SESTD1: variants seen among roughly 807,000 people sequenced by gnomAD.
SESTD1 encodes the protein SEC14 domain and spectrin repeat-containing protein 1.
SESTD1 carries 43 observed loss-of-function variants against 101.7 expected under a neutral mutation model. The observed-to-expected ratio is 0.42, with a 90% CI of 0.33 to 0.55. The LOEUF is 0.55. Ranked by LOEUF, SESTD1 falls within the 20% of genes least tolerant of loss-of-function variation. The pLI is 0.07. For missense variants in SESTD1, 647 were observed against 815.1 expected (o/e 0.79, Z 2.51); for synonymous variants, 283 against 286.8 (o/e 0.99, Z 0.13).
chr2:179,134,148 C>T (rs2045079794), intron 9 of SESTD1, among the ~76,000 whole-genome samples: 1 of 152,118 alleles, frequency 6.6e-6, no homozygotes, highest in African/African-American at 2.4e-5. Context: ...AACCAATCCA[C>T]CACAAATACC....
intron 4 of SESTD1, among the ~76,000 whole-genome samples, chr2:179,175,908 C>A (rs574926141): frequency 1.8e-4 from 28 of 152,240 alleles, no homozygotes; most frequent in African/African-American, 5.3e-4. Context: ...TTGTGAGGGG[C>A]TGAAATTCCT....
chr2:179,252,298 A>G (rs2047329936), intron 1 of SESTD1, among the ~76,000 whole-genome samples: 2 of 152,364 alleles, frequency 1.3e-5, no homozygotes, highest in South Asian at 4.1e-4. Context: ...ATCCTAAATT[A>G]TAAAGTAGTA....
In SESTD1 at chr2:179,148,826, C is replaced by T. The variant is rs549573845; in HGVS notation, c.581+471G>A. Among the ~76,000 whole-genome samples the T allele has an allele frequency of 3.0e-3, 457 of 151,944 alleles. 5 individuals are homozygous for T. Among genetic ancestry groups the T allele is most frequent in the African/African-American group, 0.011 (439 of 41,472 alleles). On this transcript the variant is annotated intron_variant, in intron 7 of 17. Coordinates refer to ENST00000428443, the MANE Select transcript of SESTD1 (RefSeq NM_178123.5). ...CTGTAATCCCAGCACTTTGGGAGGC[C>T]GAGACGGGCAGATCACGAGGTCAGG...
At chr2:179,111,301 C>T (rs1350554917) in intron 17 of SESTD1, among the ~76,000 whole-genome samples, 1 of 152,160 alleles carries the variant, frequency 6.6e-6, no homozygotes, top group Admixed American at 6.5e-5. Context: ...GAATAAAATG[C>T]CATCTTTTCA....
At chr2:179,120,544 CAG>C (rs1239517321) in intron 13 of SESTD1, among the ~76,000 whole-genome samples, 3 of 152,154 alleles carry the variant, frequency 2.0e-5, no homozygotes, top group African/African-American at 7.2e-5. Flanking sequence ...CAAGAAGAAA[CAG>C]AGAAGGATCA....
Position 179,106,517 on chromosome 2 carries a change from C to T in SESTD1, c.*3382G>A, listed in dbSNP as rs1382648495. The stretch of plus-strand genomic sequence containing the variant: ...TTAGATCAGAGTATGGTTTACTCAT[C>T]ACTGTTAGTAAGGTAACTTAATTGT... On this transcript the variant is annotated 3_prime_UTR_variant, in exon 18 of 18. Transcript: ENST00000428443. 1.3e-5 allele frequency: 2 copies of T among 152,140 alleles called. No individual in the cohort carries two copies. The highest frequency in any genetic ancestry group is 2.9e-5 in the Non-Finnish European group (2 of 68,028). 9.4% of individuals were successfully genotyped at this position (152,140 alleles called of 1,614,324 possible).
intron 1 of SESTD1, among the ~76,000 whole-genome samples, chr2:179,248,862 C>T (rs1483438789): frequency 1.3e-5 from 2 of 151,284 alleles, no homozygotes; most frequent in African/African-American, 4.9e-5. Flanking sequence ...AGGAAAATTG[C>T]TTTAGCCCAG....
At chr2:179,182,804 T>G (rs973356555) in intron 3 of SESTD1, among the ~76,000 whole-genome samples, 14 of 152,276 alleles carry the variant, frequency 9.2e-5, no homozygotes, top group African/African-American at 3.1e-4. Context: ...CCAATTTTCC[T>G]AAAGTTACAT....
In SESTD1 at chr2:179,216,108, T is replaced by C. The variant is rs972545567; in HGVS notation, c.-25-24242A>G. Among the ~76,000 whole-genome samples the C allele has an allele frequency of 5.9e-5, 8 of 134,906 alleles. 2 individuals carry two copies. Among genetic ancestry groups the C allele is most frequent in the African/African-American group, 2.3e-4 (8 of 34,130 alleles). 88.5% of individuals were successfully genotyped at this position (134,906 alleles called of 152,430 possible). ...AGGATGCCCTCTCTCACCACTCCTA[T>C]TCAACACAGCGTTGGAAGTTCTGGC... On this transcript the variant is annotated intron_variant, in intron 1 of 17. Transcript: ENST00000428443.
Position 179,183,199 on chromosome 2 carries a change from A to C in SESTD1, c.56-11T>G. ...GTCTGTCTTTTCCTCCTATTAAAAAAGAGATTTAAATTTAACATGTAATAC... is the reference window on the plus strand; with the variant it reads ...GTCTGTCTTTTCCTCCTATTAAAAACGAGATTTAAATTTAACATGTAATAC... On this transcript the variant is annotated splice_polypyrimidine_tract_variant and intron_variant, in intron 2 of 17. Coordinates refer to ENST00000428443, the MANE Select transcript of SESTD1 (RefSeq NM_178123.5). 1.9e-6 allele frequency: 3 copies of C among 1,565,138 alleles called. No individual in the cohort carries two copies. The highest frequency in any genetic ancestry group is 2.6e-6 in the Non-Finnish European group (3 of 1,140,524).
chr2:179,204,984 C>T (rs2046571584), intron 1 of SESTD1, among the ~76,000 whole-genome samples: 2 of 134,652 alleles, frequency 1.5e-5, no homozygotes, highest in Admixed American at 1.4e-4. Context: ...GGTATATGAG[C>T]AGAGACAAAT....
At position 179,240,071 on chromosome 2, in the gene SESTD1, T is replaced by C. The variant is rs185898777; in HGVS notation, c.-26+24428A>G. Among the ~76,000 whole-genome samples, 271 of 152,286 alleles carry C rather than the reference T, an allele frequency of 1.8e-3. 1 individual carries two copies. The highest frequency in any genetic ancestry group is 6.2e-3 in the African/African-American group (257 of 41,568). On this transcript the variant is annotated intron_variant, in intron 1 of 17. Coordinates refer to ENST00000428443, the MANE Select transcript of SESTD1 (RefSeq NM_178123.5). ...CCTTGAGATGAACGATTGGTGCATT[T>C]CAGACAGAAGAACAAATTGATCAAG...
intron 1 of SESTD1, among the ~76,000 whole-genome samples, chr2:179,249,239 C>T (rs1008699729): frequency 3.5e-5 from 5 of 143,790 alleles, no homozygotes; most frequent in African/African-American, 1.3e-4. Context: ...AGAAGACTAC[C>T]CCTATTTGCA....
At chr2:179,259,307 C>T (rs1441227048) in intron 1 of SESTD1, among the ~76,000 whole-genome samples, 3 of 152,194 alleles carry the variant, frequency 2.0e-5, no homozygotes, top group Non-Finnish European at 2.9e-5. Flanking sequence ...TCTCGGCTCA[C>T]TGCAACCTCC....
At chr2:179,117,463 T>G (rs192615937) in intron 14 of SESTD1, 69 bp downstream of exon 14, 1 of 1,357,392 alleles carries the variant, frequency 7.4e-7, no homozygotes, top group East Asian at 2.6e-5. Flanking sequence ...AGTACACTTT[T>G]GTTTGTAGTT....
At chr2:179,185,943 TTATATACAATATATAATATA>T (rs2046224069) in intron 2 of SESTD1, among the ~76,000 whole-genome samples, 1 of 139,494 alleles carries the variant, frequency 7.2e-6, no homozygotes, top group African/African-American at 2.6e-5. Flanking sequence ...ATATATTATA[TTATATACAATATATAATATA>T]GCATATACAA....
chr2:179,120,874 G>A (rs1184372425), intron 13 of SESTD1, among the ~76,000 whole-genome samples: 1 of 152,142 alleles, frequency 6.6e-6, no homozygotes, highest in Non-Finnish European at 1.5e-5. Flanking sequence ...CCATATGTGT[G>A]ATTATTATTT....
chr2:179,239,707 T>TA lies in SESTD1; in HGVS notation c.-26+24791dup, dbSNP rs538670462. ...GGCCAAGTCTTTATCATTATTAAGATAGATTAAAACAATAAGGCATCATTT... is the reference window on the plus strand; with the variant it reads ...GGCCAAGTCTTTATCATTATTAAGATAAGATTAAAACAATAAGGCATCATTT... On this transcript the variant is annotated intron_variant, in intron 1 of 17. Transcript: ENST00000428443. Among the ~76,000 whole-genome samples, 5 of 152,326 alleles carry TA rather than the reference T, an allele frequency of 3.3e-5. No individual in the cohort carries two copies. In the South Asian group the frequency reaches 1.0e-3, roughly 32 times the overall value.
chr2:179,111,014 G>A (rs1357172828), intron 17 of SESTD1, among the ~76,000 whole-genome samples: 1 of 152,204 alleles, frequency 6.6e-6, no homozygotes, highest in Admixed American at 6.5e-5. Flanking sequence ...GCTGAAGCAA[G>A]CATACCAGGG....
Sources: gnomAD v4.1 joint callset for allele counts (sites outside exome capture counted in the v4.1 genomes callset) on GRCh38, gnomAD v4.1.1 for gene constraint, MANE v1.5 for transcripts, NCBI Gene and HGNC (gene_info 2026-07-23, HGNC 2026-07-21) for gene names.